The following DLG1 variants were observed in gnomAD, a reference collection of about 807,000 sequenced individuals.
DLG1 encodes the protein disks large homolog 1.
DLG1 carries 42 observed loss-of-function variants against 123.4 expected under a neutral mutation model. The observed-to-expected ratio is 0.34, with a 90% CI of 0.27 to 0.44. DLG1 has a LOEUF of 0.44. Ranked by LOEUF, DLG1 falls within the 20% of genes least tolerant of loss-of-function variation. DLG1 has a pLI of 1.00. For synonymous variants in DLG1, 317 were observed against 356.2 expected (o/e 0.89, Z 1.24); for missense variants, 942 against 1,082.6 (o/e 0.87, Z 1.82).
chr3:197,106,371 A>T (rs1232296492), intron 13 of DLG1, among the ~76,000 whole-genome samples: 1 of 151,766 alleles, frequency 6.6e-6, no homozygotes, highest in Non-Finnish European at 1.5e-5. Flanking sequence ...ACATCACTGT[A>T]CTCCAGCCTG....
chr3:197,171,050 A>G (rs1803950540), intron 5 of DLG1, among the ~76,000 whole-genome samples: 1 of 152,178 alleles, frequency 6.6e-6, no homozygotes, highest in African/African-American at 2.4e-5. Flanking sequence ...TTTGTATGGC[A>G]TAATTAATAT....
chr3:197,139,045 T>C (rs190869570), intron 8 of DLG1, among the ~76,000 whole-genome samples: 1 of 152,314 alleles, frequency 6.6e-6, no homozygotes, highest in Admixed American at 6.5e-5. Context: ...GAAATTTATA[T>C]AAAGATTAGG....
chr3:197,238,414 TAAA>T (rs1009373199), intron 4 of DLG1, among the ~76,000 whole-genome samples: 2 of 151,786 alleles, frequency 1.3e-5, no homozygotes, highest in Non-Finnish European at 2.9e-5. Context: ...AATGAAATAA[TAAA>T]AACTCACAGC....
intron 13 of DLG1, among the ~76,000 whole-genome samples, chr3:197,106,483 T>C (rs1766473069): frequency 1.5e-5 from 2 of 129,346 alleles, no homozygotes; most frequent in Non-Finnish European, 3.1e-5. Flanking sequence ...GTAAACAATG[T>C]GGTTATTAGT....
At chr3:197,073,493 A>T (rs891819497) in intron 18 of DLG1, among the ~76,000 whole-genome samples, 1 of 152,224 alleles carries the variant, frequency 6.6e-6, no homozygotes, top group Non-Finnish European at 1.5e-5. Context: ...CCCTTAAAGC[A>T]TGAAAGCGGC....
chr3:197,184,025 A>G, intron 5 of DLG1: 1 of 1,312,224 alleles, frequency 7.6e-7, no homozygotes, highest in South Asian at 2.3e-5. Context: ...ATGATGGCTG[A>G]GTTTATTTTT....
At chr3:197,142,005 G>A (rs1487796108) in intron 7 of DLG1, among the ~76,000 whole-genome samples, 1 of 152,126 alleles carries the variant, frequency 6.6e-6, no homozygotes, top group African/African-American at 2.4e-5. Context: ...AGATATTCTT[G>A]AGGGAAAAAC....
At chr3:197,150,327 C>T (rs1793241069) in intron 5 of DLG1, among the ~76,000 whole-genome samples, 1 of 152,020 alleles carries the variant, frequency 6.6e-6, no homozygotes, top group South Asian at 2.1e-4. Flanking sequence ...GCAATGACTG[C>T]TTTCCAGTTA....
chr3:197,179,799 G>T (rs758222634), intron 5 of DLG1, among the ~76,000 whole-genome samples: 1 of 151,974 alleles, frequency 6.6e-6, no homozygotes, highest in Non-Finnish European at 1.5e-5. Flanking sequence ...AACTCAGAAG[G>T]CATCTGTTTC....
In DLG1 at chr3:197,168,293, A is replaced by G. The variant is rs530787473; in HGVS notation, c.484-18497T>C. Among the ~76,000 whole-genome samples, 6 of 152,366 alleles carry G rather than the reference A, an allele frequency of 3.9e-5. No individual in the cohort carries two copies. In the South Asian group the frequency reaches 1.2e-3, roughly 32 times the overall value. On this transcript the variant is annotated intron_variant, in intron 5 of 24. Coordinates refer to ENST00000667157, the MANE Select transcript of DLG1 (RefSeq NM_001366207.1). ...CCCCTGCCTCTTCCTTAAGGCCAAC[A>G]CCGCTGAGAAAGTCAACGACGCATC...
intron 11 of DLG1, among the ~76,000 whole-genome samples, chr3:197,128,707 G>C (rs1202603335): frequency 6.6e-6 from 1 of 152,186 alleles, no homozygotes; most frequent in African/African-American, 2.4e-5. Flanking sequence ...ATTATTCCTT[G>C]ATCCATGGAC....
intron 4 of DLG1, among the ~76,000 whole-genome samples, chr3:197,270,443 A>G (rs1763442125): frequency 6.6e-6 from 1 of 152,242 alleles, no homozygotes; most frequent in African/African-American, 2.4e-5. Flanking sequence ...GATCATTAAA[A>G]GAAAGTAATG....
At chr3:197,089,431 G>A (rs1756385479) in intron 15 of DLG1, among the ~76,000 whole-genome samples, 1 of 151,850 alleles carries the variant, frequency 6.6e-6, no homozygotes, top group African/African-American at 2.4e-5. Flanking sequence ...GGGGGCTGAG[G>A]CGGAAGGATC....
chr3:197,062,207 T>A (rs1736320819), intron 22 of DLG1, among the ~76,000 whole-genome samples: 1 of 152,200 alleles, frequency 6.6e-6, no homozygotes, highest in South Asian at 2.1e-4. Context: ...TTAGCCCAGA[T>A]TACCTTAAAT....
intron 5 of DLG1, among the ~76,000 whole-genome samples, chr3:197,152,328 G>A (rs972804346): frequency 6.6e-6 from 1 of 151,358 alleles, no homozygotes; most frequent in Non-Finnish European, 1.5e-5. Context: ...ATAATTTCAC[G>A]TAGACTCTTT....
chr3:197,282,626 CAT>C (rs1769935317), intron 4 of DLG1, 51 bp downstream of exon 4: 8 of 1,188,788 alleles, frequency 6.7e-6, no homozygotes, highest in Non-Finnish European at 7.9e-6. Flanking sequence ...AACATAGTAA[CAT>C]AAATAAATTG....
At chr3:197,179,119 T>A (rs188848052) in intron 5 of DLG1, among the ~76,000 whole-genome samples, 2 of 152,266 alleles carry the variant, frequency 1.3e-5, no homozygotes, top group South Asian at 4.1e-4. Flanking sequence ...GAATCAGGTA[T>A]TGGAAGTTTA....
At chr3:197,057,563 A>G (rs958853995) in intron 23 of DLG1, among the ~76,000 whole-genome samples, 4 of 151,658 alleles carry the variant, frequency 2.6e-5, no homozygotes, top group African/African-American at 9.8e-5. Flanking sequence ...ACCAATCTGC[A>G]CCCCTAACAC....
intron 19 of DLG1, among the ~76,000 whole-genome samples, chr3:197,068,722 G>GT: frequency 6.6e-6 from 1 of 152,172 alleles, no homozygotes. Context: ...AGAAAAATTA[G>GT]TATTATTTTT....
Sources: allele counts gnomAD v4.1 joint callset (sites outside exome capture counted in the v4.1 genomes callset), GRCh38; gene constraint gnomAD v4.1.1; transcripts MANE v1.5; gene names NCBI Gene and HGNC (gene_info 2026-07-23, HGNC 2026-07-21).